VPS13B: variants seen among roughly 807,000 people sequenced by gnomAD.
VPS13B encodes vacuolar protein sorting 13 homolog B.
In VPS13B, 285 loss-of-function variants were observed where a neutral mutation model predicts 426.4. That is an observed-to-expected ratio of 0.67 (90% CI 0.61 to 0.74). The LOEUF (loss-of-function observed/expected upper bound fraction) is 0.74, where lower values mean the gene tolerates loss of function less well. Ranked by LOEUF, VPS13B falls within the 30% of genes least tolerant of loss-of-function variation. The probability of loss-of-function intolerance (pLI) is 0.00; values close to 1 mark genes in which losing one functional copy is unlikely to be tolerated. For synonymous variants in VPS13B, 1,676 were observed against 1,676.4 expected (o/e 1.00, Z 0.01); for missense variants, 4,537 against 4,782.6 (o/e 0.95, Z 1.51).
rs900316922 is a variant in VPS13B, at chr8:99,397,448, A to G, written c.3082+5744A>G. ...GTGAGCCACCACATCTGGCCTGAGTAGAATATTTCTAATTACATTTTTTTG... is the reference window on the plus strand; with the variant it reads ...GTGAGCCACCACATCTGGCCTGAGTGGAATATTTCTAATTACATTTTTTTG... On this transcript the variant is annotated intron_variant, in intron 21 of 61. Transcript: ENST00000357162. Among the ~76,000 whole-genome samples, 10 of 152,154 alleles carry G rather than the reference A, an allele frequency of 6.6e-5. No individual in the cohort carries two copies. The East Asian group carries it at 1.7e-3, about 26-fold the overall frequency.
intron 33 of VPS13B, among the ~76,000 whole-genome samples, chr8:99,599,561 G>T (rs1827187249): frequency 2.0e-5 from 3 of 151,950 alleles, no homozygotes; most frequent in South Asian, 4.1e-4. Flanking sequence ...ATCTGAGTTT[G>T]TACTTTTCTA....
intron 17 of VPS13B, among the ~76,000 whole-genome samples, chr8:99,268,152 A>G (rs552345503): frequency 5.3e-5 from 8 of 152,292 alleles, no homozygotes; most frequent in Non-Finnish European, 1.2e-4. Context: ...GATGTGTGGA[A>G]ATGCCTGGAT....
At chr8:99,050,906 G>A (rs2132262859) in intron 3 of VPS13B, among the ~76,000 whole-genome samples, 1 of 152,250 alleles carries the variant, frequency 6.6e-6, no homozygotes, top group East Asian at 1.9e-4. Context: ...ATTTGTTTGA[G>A]TTCATTGTAG....
intron 23 of VPS13B, among the ~76,000 whole-genome samples, chr8:99,466,104 G>T (rs933296031): frequency 6.6e-6 from 1 of 152,060 alleles, no homozygotes; most frequent in Non-Finnish European, 1.5e-5. Context: ...GAAAAAACAA[G>T]GGAAGACCAT....
At chr8:99,573,412 C>G (rs1216264070) in intron 31 of VPS13B, among the ~76,000 whole-genome samples, 1 of 152,144 alleles carries the variant, frequency 6.6e-6, no homozygotes, top group African/African-American at 2.4e-5. Flanking sequence ...AGGTTTTCTT[C>G]TAGGGTTTTT....
intron 30 of VPS13B, among the ~76,000 whole-genome samples, chr8:99,540,052 TATATATATATA>T (rs1262276887): frequency 0.014 from 77 of 5,646 alleles, 1 homozygote; most frequent in Non-Finnish European, 0.015. Flanking sequence ...TATATATATA[TATATATATATA>T]TTTTTTTTTT....
At chr8:99,826,659 G>A (rs1169565499) in intron 51 of VPS13B, among the ~76,000 whole-genome samples, 1 of 152,146 alleles carries the variant, frequency 6.6e-6, no homozygotes, top group Non-Finnish European at 1.5e-5. Flanking sequence ...GTTTTCAAAG[G>A]GAACGCTTCC....
In VPS13B at chr8:99,436,291, TATA is replaced by T. The variant is rs1817371185; in HGVS notation, c.3210+4630_3210+4632del. Among the ~76,000 whole-genome samples the T allele has an allele frequency of 1.3e-5, 2 of 152,340 alleles. 1 individual carries two copies. The highest frequency in any genetic ancestry group is 6.8e-3 in the Middle Eastern group (2 of 294). On this transcript the variant is annotated intron_variant, in intron 22 of 61. Coordinates refer to ENST00000357162, the MANE Select transcript of VPS13B (RefSeq NM_152564.5). ...TATTGTATGATTCTTTTGCTTATTT[TATA>T]ATGTTGCAGTACCTTTTAGCTTCAT...
chr8:99,705,346 G>A (rs1832457946), intron 36 of VPS13B, among the ~76,000 whole-genome samples: 1 of 151,980 alleles, frequency 6.6e-6, no homozygotes, highest in African/African-American at 2.4e-5. Flanking sequence ...AATATGACGA[G>A]AATAAAAACC....
chr8:99,313,043 AT>A, intron 19 of VPS13B, among the ~76,000 whole-genome samples: 1 of 152,254 alleles, frequency 6.6e-6, no homozygotes, highest in East Asian at 1.9e-4. Flanking sequence ...ACTTCTCTGC[AT>A]TGGTTATTCT....
rs758269622 is a variant in VPS13B at position 99,778,691 on chromosome 8, A to G, written c.7439A>G (p.Gln2480Arg). 12 of 1,613,886 alleles carry G rather than the reference A, an allele frequency of 7.4e-6. No individual in the cohort carries two copies. The South Asian group carries it at 1.3e-4, about 18-fold the overall frequency. ...HLDQLGTAAP[Q>R]YLQPFVSDRN... ...TTTGTTTTCTCAACAGCTGCACCAC[A>G]GTACCTACAGCCATTTGTTTCCGAC... is the stretch of plus-strand genomic sequence containing the variant. Residue 2480 changes from glutamine (Q) to arginine (R), a missense_variant, in exon 42 of 62, where the codon CAG (glutamine) becomes CGG (arginine). Physicochemically the swap from Gln to Arg is conservative, Grantham distance 43. Transcript: ENST00000357162.
intron 33 of VPS13B, among the ~76,000 whole-genome samples, chr8:99,598,531 A>G (rs900077384): frequency 1.3e-5 from 2 of 152,064 alleles, no homozygotes; most frequent in African/African-American, 2.4e-5. Context: ...TGTAAAGACT[A>G]ACACATGCTC....
At chr8:99,655,948 A>G (rs1830004278) in intron 34 of VPS13B, among the ~76,000 whole-genome samples, 1 of 152,212 alleles carries the variant, frequency 6.6e-6, no homozygotes, top group Admixed American at 6.5e-5. Context: ...CAAACAATTA[A>G]GTGAAATGAA....
At chr8:99,617,093 G>A (rs1828127881) in intron 33 of VPS13B, among the ~76,000 whole-genome samples, 1 of 152,108 alleles carries the variant, frequency 6.6e-6, no homozygotes, top group African/African-American at 2.4e-5. Context: ...AAAAATATCA[G>A]CACAGATACA....
At chr8:99,837,079 G>T (rs1385041097) in intron 54 of VPS13B, among the ~76,000 whole-genome samples, 1 of 152,158 alleles carries the variant, frequency 6.6e-6, no homozygotes, top group African/African-American at 2.4e-5. Flanking sequence ...CATCTCTCAA[G>T]ATTTCATTAA....
At chr8:99,875,305 A>T in intron 61 of VPS13B, 113 bp from the exon 62 acceptor site, 1 of 1,418,582 alleles carries the variant, frequency 7.0e-7, no homozygotes, top group Non-Finnish European at 9.9e-7. Flanking sequence ...TAATGGCTTT[A>T]ATAGATGACC....
At chr8:99,477,243 A>G (rs937361205) in intron 24 of VPS13B, among the ~76,000 whole-genome samples, 2 of 152,186 alleles carry the variant, frequency 1.3e-5, no homozygotes, top group Non-Finnish European at 2.9e-5. Context: ...CCTAAAATGC[A>G]CGCAGACATA....
intron 22 of VPS13B, among the ~76,000 whole-genome samples, chr8:99,440,881 A>G (rs1439212573): frequency 6.6e-6 from 1 of 152,070 alleles, no homozygotes; most frequent in Non-Finnish European, 1.5e-5. Context: ...AGTGTTAAAT[A>G]CTGACACTTC....
chr8:99,577,726 C>G (rs1825844125), intron 33 of VPS13B, 93 bp downstream of exon 33: 2 of 1,439,684 alleles, frequency 1.4e-6, no homozygotes, highest in Non-Finnish European at 1.9e-6. Context: ...CTGCTTTCTG[C>G]TTAATTATTC....
Sources: allele counts gnomAD v4.1 joint callset (sites outside exome capture counted in the v4.1 genomes callset), GRCh38; gene constraint gnomAD v4.1.1; transcripts MANE v1.5; gene names NCBI Gene and HGNC (gene_info 2026-07-23, HGNC 2026-07-21).